The following JAK2 variants were observed in gnomAD, a reference collection of about 807,000 sequenced individuals.
JAK2 encodes the protein tyrosine-protein kinase JAK2.
A neutral mutation model predicts 139.3 loss-of-function variants in JAK2; 86 were observed. The ratio of observed to expected loss-of-function variants is 0.62; its 90% CI spans 0.52 to 0.74. The LOEUF (loss-of-function observed/expected upper bound fraction) is 0.74. Ranked by LOEUF, JAK2 falls within the 30% of genes least tolerant of loss-of-function variation. The probability of loss-of-function intolerance (pLI) is 0.00; values close to 1 mark genes in which losing one functional copy is unlikely to be tolerated. For missense variants in JAK2, 1,421 were observed against 1,360.3 expected (o/e 1.04, Z -0.70); for synonymous variants, 490 against 437.7 (o/e 1.12, Z -1.49).
intron 4 of JAK2, among the ~76,000 whole-genome samples, chr9:5,033,667 A>T (rs1024697290): frequency 6.6e-6 from 1 of 152,176 alleles, no homozygotes; most frequent in Non-Finnish European, 1.5e-5. Context: ...GAGAAATAAA[A>T]TCCTTTACAG....
At chr9:5,009,316 C>T (rs1174200502) in intron 2 of JAK2, among the ~76,000 whole-genome samples, 5 of 151,910 alleles carry the variant, frequency 3.3e-5, no homozygotes, top group East Asian at 1.9e-4. Context: ...AGAATAAAGC[C>T]GTGAAGAATA....
chr9:5,007,751 ACT>A (rs1257206674), intron 2 of JAK2, among the ~76,000 whole-genome samples: 1 of 150,262 alleles, frequency 6.7e-6, no homozygotes. Flanking sequence ...GTGGAGTCTC[ACT>A]CTGTCACCCA....
Position 5,072,585 on chromosome 9 carries a change from C to G in JAK2, c.1735C>G (p.Leu579Val), listed in dbSNP as rs1289792896. The G allele has an allele frequency of 1.2e-6, 2 of 1,609,796 alleles. No homozygotes were observed. Among genetic ancestry groups the G allele is most frequent in the East Asian group, 2.2e-5 (1 of 44,794 alleles). The change falls in exon 13 of 25, where the codon CTT becomes GTT. Residue 579 changes from leucine to valine, a missense_variant. Coordinates refer to ENST00000381652, the MANE Select transcript of JAK2 (RefSeq NM_004972.4). Reference sequence around the variant, plus strand: ...CGGTCAACTGCATGAAACAGAAGTTCTTTTAAAAGTTCTGGATAAAGCACA... The same window carrying G: ...CGGTCAACTGCATGAAACAGAAGTTGTTTTAAAAGTTCTGGATAAAGCACA... ...DYGQLHETEV[L>V]LKVLDKAHRN...
chr9:5,038,568 T>G (rs1429458447), intron 4 of JAK2, among the ~76,000 whole-genome samples: 2 of 150,938 alleles, frequency 1.3e-5, no homozygotes, highest in Non-Finnish European at 2.9e-5. Context: ...TCTGAAATGC[T>G]TGGGACCAGA....
intron 22 of JAK2, chr9:5,112,601 C>T (rs1822706725): frequency 1.2e-6 from 1 of 802,044 alleles, no homozygotes; most frequent in Non-Finnish European, 2.0e-6. Context: ...TCTTAAGGAG[C>T]TGGGGCGCAT....
At chr9:5,047,965 A>C (rs1461002422) in intron 5 of JAK2, among the ~76,000 whole-genome samples, 1 of 152,112 alleles carries the variant, frequency 6.6e-6, no homozygotes, top group Non-Finnish European at 1.5e-5. Flanking sequence ...TATTTAAGGA[A>C]TAGTATTTAT....
intron 14 of JAK2, among the ~76,000 whole-genome samples, chr9:5,075,502 GTC>G (rs1819249997): frequency 6.6e-6 from 1 of 152,172 alleles, no homozygotes; most frequent in Admixed American, 6.5e-5. Context: ...ATTATGCTAA[GTC>G]TACTCTGCCT....
chr9:5,126,856 C>A lies in JAK2; in HGVS notation c.*65C>A. The A allele has an allele frequency of 1.1e-6, 1 of 907,598 alleles. No homozygotes were observed. The highest frequency in any genetic ancestry group is 1.8e-6 in the Non-Finnish European group (1 of 567,812). 56.2% of individuals were successfully genotyped at this position (907,598 alleles called of 1,614,324 possible). On this transcript the variant is annotated 3_prime_UTR_variant, in exon 25 of 25. Coordinates refer to ENST00000381652, the MANE Select transcript of JAK2 (RefSeq NM_004972.4). Reference sequence around the variant, plus strand: ...GAACAAAGTTTTATATTTCACATTGCTGTGGACTATTATTACATATATCAT... The same window carrying A: ...GAACAAAGTTTTATATTTCACATTGATGTGGACTATTATTACATATATCAT...
At chr9:5,106,029 G>A (rs1460455122) in intron 22 of JAK2, among the ~76,000 whole-genome samples, 2 of 152,126 alleles carry the variant, frequency 1.3e-5, no homozygotes, top group Admixed American at 1.3e-4. Context: ...GAAAACGCCA[G>A]AAACAAAGGC....
chr9:5,068,596 T>C (rs3780366), intron 10 of JAK2, among the ~76,000 whole-genome samples: 37,388 of 152,130 alleles, frequency 0.25, 4,783 homozygotes, highest in South Asian at 0.3. Flanking sequence ...GCATGGCATT[T>C]GCTTGAAATG....
intron 22 of JAK2, chr9:5,110,490 T>G (rs1822373248): frequency 6.5e-6 from 1 of 154,810 alleles, no homozygotes; most frequent in Non-Finnish European, 1.4e-5. Flanking sequence ...ATTTATATGC[T>G]CAGGCTCCAT....
At chr9:5,016,751 C>G (rs1822091182) in intron 2 of JAK2, among the ~76,000 whole-genome samples, 1 of 152,166 alleles carries the variant, frequency 6.6e-6, no homozygotes, top group African/African-American at 2.4e-5. Context: ...TCCATGCCCT[C>G]CCACTATCCC....
At chr9:5,109,164 T>C (rs1447927762) in intron 22 of JAK2, 2 of 152,156 alleles carry the variant, frequency 1.3e-5, no homozygotes, top group Non-Finnish European at 2.9e-5. Context: ...CACAACACAA[T>C]GAGGGACACT....
intron 4 of JAK2, chr9:5,041,881 C>T: frequency 2.3e-6 from 1 of 428,812 alleles, no homozygotes; most frequent in Admixed American, 3.1e-5. Flanking sequence ...CACTCCAGCG[C>T]CCATCAGGGC....
At chr9:5,053,075 T>C (rs1291227006) in intron 6 of JAK2, among the ~76,000 whole-genome samples, 2 of 152,128 alleles carry the variant, frequency 1.3e-5, no homozygotes, top group Non-Finnish European at 2.9e-5. Flanking sequence ...GCTTAACTTT[T>C]CAAAAGCAGC....
At chr9:5,031,470 G>A (rs891725220) in intron 4 of JAK2, among the ~76,000 whole-genome samples, 2 of 152,166 alleles carry the variant, frequency 1.3e-5, no homozygotes, top group Non-Finnish European at 2.9e-5. Flanking sequence ...TAACGTGGAA[G>A]GGAGAGATTA....
rs1379385626 is a variant in JAK2, at chr9:5,022,152, G to T, written c.165G>T (p.Leu55=). ...HSLGKSEADY[L]TFPSGEYVAE... is the part of the protein sequence containing the mutation. ...TTGGGAAATCTGAGGCAGATTATCTGACCTTTCCATCTGGGGAGTATGTTG... is the reference window on the plus strand; with the variant it reads ...TTGGGAAATCTGAGGCAGATTATCTTACCTTTCCATCTGGGGAGTATGTTG... The change falls in exon 3 of 25, where the codon CTG becomes CTT. Residue 55 remains leucine (L), a synonymous_variant. Transcript: ENST00000381652. 1.2e-6 allele frequency: 2 copies of T among 1,614,142 alleles called. No individual in the cohort carries two copies. Among genetic ancestry groups the T allele is most frequent in the Admixed American group, 3.3e-5 (2 of 60,026 alleles).
At chr9:5,087,495 C>T (rs2031906) in intron 19 of JAK2, among the ~76,000 whole-genome samples, 94,418 of 152,032 alleles carry the variant, frequency 0.62, 31,463 homozygotes, top group African/African-American at 0.88. Context: ...TGATTTCTTT[C>T]CTGGTCCTAT....
At chr9:5,089,304 C>T (rs1339158541) in intron 19 of JAK2, among the ~76,000 whole-genome samples, 5 of 151,908 alleles carry the variant, frequency 3.3e-5, no homozygotes, top group Admixed American at 6.6e-5. Context: ...TTTGGGAGGC[C>T]GAGTTGGGTG....
Sources: gnomAD v4.1 joint callset for allele counts (sites outside exome capture counted in the v4.1 genomes callset) on GRCh38, gnomAD v4.1.1 for gene constraint, MANE v1.5 for transcripts, NCBI Gene and HGNC (gene_info 2026-07-23, HGNC 2026-07-21) for gene names.